The following TANGO6 variants were observed in gnomAD, a reference collection of about 807,000 sequenced individuals.
TANGO6 encodes the protein transport and golgi organization 6 homolog, also known as transport and Golgi organization protein 6 homolog.
Under a neutral mutation model 114.2 loss-of-function variants are expected in TANGO6, and 90 were observed. That is an observed-to-expected ratio of 0.79 (90% CI 0.66 to 0.94). The LOEUF (loss-of-function observed/expected upper bound fraction) is 0.94, where lower values mean the gene tolerates loss of function less well. Ranked by LOEUF, TANGO6 falls within the 40% of genes least tolerant of loss-of-function variation. The pLI is 0.00. For missense variants in TANGO6, 1,274 were observed against 1,315.3 expected (o/e 0.97, Z 0.49); for synonymous variants, 477 against 509.8 (o/e 0.94, Z 0.87).
At chr16:68,988,347 C>A (rs902401322) in intron 15 of TANGO6, among the ~76,000 whole-genome samples, 2 of 152,174 alleles carry the variant, frequency 1.3e-5, no homozygotes, top group African/African-American at 2.4e-5. Flanking sequence ...AATTGACTTG[C>A]CTTTTTCTCC....
chr16:68,893,138 A>AT (rs1213951323), intron 7 of TANGO6, among the ~76,000 whole-genome samples: 6 of 152,210 alleles, frequency 3.9e-5, no homozygotes, highest in Non-Finnish European at 7.4e-5. Flanking sequence ...GTGGTGGTTA[A>AT]TTTTTTTCAA....
chr16:68,895,944 T>A (rs190300735), intron 7 of TANGO6, among the ~76,000 whole-genome samples: 229 of 147,284 alleles, frequency 1.6e-3, no homozygotes, highest in South Asian at 3.0e-3. Context: ...ATTTTAATTT[T>A]ATTTTATTTT....
intron 15 of TANGO6, among the ~76,000 whole-genome samples, chr16:69,013,626 A>C (rs1216847866): frequency 1.3e-5 from 2 of 151,066 alleles, no homozygotes; most frequent in Non-Finnish European, 3.0e-5. Context: ...CCAAAAAAAA[A>C]AAAAAAAGGC....
intron 11 of TANGO6, 94 bp downstream of exon 11, chr16:68,909,496 G>C (rs2152186180): frequency 8.7e-7 from 1 of 1,146,270 alleles, no homozygotes; most frequent in East Asian, 2.9e-5. Flanking sequence ...GATGACACCT[G>C]GATCATGAGG....
intron 16 of TANGO6, among the ~76,000 whole-genome samples, chr16:69,032,939 A>G (rs552151305): frequency 6.7e-6 from 1 of 150,066 alleles, no homozygotes; most frequent in Non-Finnish European, 1.5e-5. Flanking sequence ...TAATCTCACC[A>G]CTTTGGAAGG....
chr16:69,018,835 G>C (rs957977304), intron 15 of TANGO6, among the ~76,000 whole-genome samples: 1 of 152,094 alleles, frequency 6.6e-6, no homozygotes, highest in Non-Finnish European at 1.5e-5. Context: ...GTTGAGGCCC[G>C]GGAGGCGGAG....
At chr16:69,063,473 C>G (rs1227673269) in intron 17 of TANGO6, among the ~76,000 whole-genome samples, 2 of 150,984 alleles carry the variant, frequency 1.3e-5, no homozygotes, top group African/African-American at 4.9e-5. Flanking sequence ...TGCAGTGAAC[C>G]GAGATCGCGC....
intron 4 of TANGO6, among the ~76,000 whole-genome samples, chr16:68,868,492 A>ATTT (rs765054621): frequency 7.8e-4 from 73 of 93,664 alleles, no homozygotes; most frequent in African/African-American, 1.3e-3. Context: ...CTATATTTCT[A>ATTT]TTTTTTTTTT....
At chr16:68,880,717 G>C in intron 7 of TANGO6, 87 bp downstream of exon 7, 1 of 850,824 alleles carries the variant, frequency 1.2e-6, no homozygotes, top group East Asian at 3.1e-5. Flanking sequence ...AGATGGTGGG[G>C]TCTCACCACG....
intron 4 of TANGO6, among the ~76,000 whole-genome samples, chr16:68,872,918 G>A (rs4278741): frequency 0.097 from 14,745 of 151,444 alleles, 804 homozygotes; most frequent in Non-Finnish European, 0.13. Flanking sequence ...GGCCCGGCTG[G>A]TCTCAAACTC....
chr16:69,009,273 G>T (rs1238437294), intron 15 of TANGO6, among the ~76,000 whole-genome samples: 1 of 151,572 alleles, frequency 6.6e-6, no homozygotes, highest in Admixed American at 6.6e-5. Flanking sequence ...TAGAGACGGG[G>T]TTTCTCCATG....
intron 12 of TANGO6, among the ~76,000 whole-genome samples, chr16:68,923,153 T>A (rs1353821811): frequency 6.6e-6 from 1 of 151,174 alleles, no homozygotes. Flanking sequence ...AGATGGGGTT[T>A]CTCCATGTCG....
chr16:68,959,966 C>T (rs1597037276), intron 14 of TANGO6, among the ~76,000 whole-genome samples: 1 of 152,202 alleles, frequency 6.6e-6, no homozygotes, highest in East Asian at 1.9e-4. Flanking sequence ...TCAGGGCTTT[C>T]AGGAGGTGTG....
chr16:68,990,411 C>T lies in TANGO6; in HGVS notation c.2842+16243C>T, dbSNP rs748994170. Among the ~76,000 whole-genome samples the T allele has an allele frequency of 1.1e-4, 17 of 152,122 alleles. 1 individual carries two copies. Among genetic ancestry groups the T allele is most frequent in the Non-Finnish European group, 1.9e-4 (13 of 68,020 alleles). ...ACAGGGGTTTCCCTTTATCAGATCT[C>T]ATGAGACTTACTTATTACCACGAGA... is the stretch of plus-strand genomic sequence containing the variant. On this transcript the variant is annotated intron_variant, in intron 15 of 17. Transcript: ENST00000261778.
At position 69,083,562 on chromosome 16, in the gene TANGO6, G is replaced by A; in HGVS notation, c.3186G>A (p.Lys1062=). Residue 1062 remains lysine (K), a synonymous_variant, in exon 18 of 18, where the codon AAG becomes AAA. Coordinates refer to ENST00000261778, the MANE Select transcript of TANGO6 (RefSeq NM_024562.2). ...VVCLEPDDVA[K]LHAQLALEEL... Reference sequence around the variant, plus strand: ...GTCTGGAGCCCGATGACGTGGCCAAGCTCCATGCCCAGTTGGCCCTAGAAG... The same window carrying A: ...GTCTGGAGCCCGATGACGTGGCCAAACTCCATGCCCAGTTGGCCCTAGAAG... 2.5e-6 allele frequency: 4 copies of A among 1,610,338 alleles called. No individual in the cohort carries two copies. The highest frequency in any genetic ancestry group is 3.4e-6 in the Non-Finnish European group (4 of 1,178,434).
In TANGO6 at chr16:69,018,139, C is replaced by CTTTTTTTTTTTTT. The variant is rs34796579; in HGVS notation, c.2843-4679_2843-4667dup. On this transcript the variant is annotated intron_variant, in intron 15 of 17. Coordinates refer to ENST00000261778, the MANE Select transcript of TANGO6 (RefSeq NM_024562.2). ...CACCATGCCCAGCCGTTGGAAATCT[C>CTTTTTTTTTTTTT]TTTTTTTTTTTTTTTTTTTTTTGAG... Among the ~76,000 whole-genome samples the CTTTTTTTTTTTTT allele has an allele frequency of 3.9e-4, 30 of 77,082 alleles. 2 individuals are homozygous for CTTTTTTTTTTTTT. Among genetic ancestry groups the CTTTTTTTTTTTTT allele is most frequent in the East Asian group, 2.5e-3 (6 of 2,392 alleles). The allele number at this position is 77,082 out of a possible 152,430, so 50.6% of individuals were successfully genotyped here.
intron 17 of TANGO6, among the ~76,000 whole-genome samples, chr16:69,053,285 G>C (rs2152237809): frequency 6.6e-6 from 1 of 151,838 alleles, no homozygotes; most frequent in East Asian, 1.9e-4. Flanking sequence ...TCCCTATTTA[G>C]TTACATTACA....
chr16:68,954,928 A>G (rs1372808137), intron 14 of TANGO6, among the ~76,000 whole-genome samples: 1 of 152,164 alleles, frequency 6.6e-6, no homozygotes, highest in Non-Finnish European at 1.5e-5. Context: ...CATGTTTTCT[A>G]ATATGAACAC....
chr16:69,041,891 A>G (rs1168325005), intron 17 of TANGO6, among the ~76,000 whole-genome samples: 1 of 152,236 alleles, frequency 6.6e-6, no homozygotes, highest in Non-Finnish European at 1.5e-5. Flanking sequence ...CAACATTTCT[A>G]TAATCTTTGT....
Sources: allele counts gnomAD v4.1 joint callset (sites outside exome capture counted in the v4.1 genomes callset), GRCh38; gene constraint gnomAD v4.1.1; transcripts MANE v1.5; gene names NCBI Gene and HGNC (gene_info 2026-07-23, HGNC 2026-07-21).